Variants in ADGRD1 observed in about 807,000 individuals in gnomAD.
ADGRD1 encodes the protein G-protein coupled receptor 133.
Under a neutral mutation model 113.4 loss-of-function variants are expected in ADGRD1, and 77 were observed. The ratio of observed to expected loss-of-function variants is 0.68; its 90% confidence interval spans 0.57 to 0.82. The LOEUF is 0.82. Among genes scored for constraint, ADGRD1 ranks in the 40% least tolerant of loss-of-function variants. ADGRD1 has a pLI of 0.00. For synonymous variants in ADGRD1, 474 were observed against 475.0 expected (o/e 1.00, Z 0.03); for missense variants, 1,036 against 1,139.1 (o/e 0.91, Z 1.30).
chr12:131,070,047 C>T (rs1885027757), intron 13 of ADGRD1: 1 of 152,212 alleles, frequency 6.6e-6, no homozygotes, highest in Non-Finnish European at 1.5e-5. Context: ...GATGAAGCCA[C>T]AAGCAAAGGC....
chr12:131,028,697 C>T (rs144954263), intron 13 of ADGRD1, among the ~76,000 whole-genome samples: 163 of 152,274 alleles, frequency 1.1e-3, no homozygotes, highest in African/African-American at 3.9e-3. Flanking sequence ...GAAGACCAAC[C>T]TCTCCCCTAG....
chr12:131,131,923 A>C (rs1950940447), intron 21 of ADGRD1, 107 bp downstream of exon 21: 1 of 743,056 alleles, frequency 1.3e-6, no homozygotes, highest in African/African-American at 1.7e-5. Flanking sequence ...GCCGGCACCA[A>C]AGTCCTCCAC....
intron 4 of ADGRD1, among the ~76,000 whole-genome samples, chr12:130,974,012 T>G (rs998512456): frequency 6.6e-6 from 1 of 152,210 alleles, no homozygotes; most frequent in East Asian, 1.9e-4. Flanking sequence ...TGAGGCCTGA[T>G]GCAGACGCAG....
At chr12:131,063,243 C>T (rs1884478367) in intron 13 of ADGRD1, among the ~76,000 whole-genome samples, 1 of 152,086 alleles carries the variant, frequency 6.6e-6, no homozygotes. Context: ...TTCTCCTTGT[C>T]TGCAGCTTAT....
intron 15 of ADGRD1, among the ~76,000 whole-genome samples, chr12:131,097,485 C>T (rs200732019): frequency 2.6e-5 from 4 of 152,244 alleles, no homozygotes; most frequent in East Asian, 1.9e-4. Flanking sequence ...CATCAGTGGA[C>T]GTGAAATGTG....
chr12:130,978,817 T>C (rs942373535), intron 4 of ADGRD1: 3 of 152,210 alleles, frequency 2.0e-5, no homozygotes, highest in Non-Finnish European at 4.4e-5. Context: ...TTGGAAAAAA[T>C]TAACTTCCAT....
chr12:131,117,188 T>C (rs928038785), intron 18 of ADGRD1, among the ~76,000 whole-genome samples: 1 of 152,218 alleles, frequency 6.6e-6, no homozygotes, highest in Admixed American at 6.5e-5. Context: ...ACTGCTGTGA[T>C]CCAGATGCTT....
intron 15 of ADGRD1, among the ~76,000 whole-genome samples, chr12:131,103,185 T>C (rs1169055432): frequency 1.3e-5 from 2 of 152,246 alleles, no homozygotes; most frequent in Non-Finnish European, 2.9e-5. Context: ...CACAGGTGGC[T>C]CTGCCCAGCC....
rs771485638 is a variant in ADGRD1 at position 131,084,416 on chromosome 12, C to A, written c.1548-124C>A. On this transcript the variant is annotated intron_variant, in intron 14 of 24. Transcript: ENST00000261654. The surrounding 1 kb of genome is among the most constrained non-coding windows in gnomAD (Gnocchi z 4.5). ...CCACGGTCTGGGTGTGCATTCCTGG[C>A]GTGGCAGGTGTGGGCGCCGCCATGA... is the stretch of plus-strand genomic sequence containing the variant. The A allele has an allele frequency of 6.2e-5, 60 of 969,354 alleles. No individual in the cohort carries two copies. Among genetic ancestry groups the A allele is most frequent in the Non-Finnish European group, 8.9e-5 (56 of 627,720 alleles). 60.0% of individuals were successfully genotyped at this position (969,354 alleles called of 1,614,324 possible). A position where few individuals can be genotyped will look rare whatever the true frequency, so the allele number is the denominator to read the frequency against.
intron 21 of ADGRD1, among the ~76,000 whole-genome samples, chr12:131,133,537 T>C (rs1194479580): frequency 3.9e-5 from 6 of 152,312 alleles, no homozygotes; most frequent in East Asian, 1.9e-4. Flanking sequence ...GCTGAAGGCA[T>C]TGCCCATCCT....
intron 12 of ADGRD1, among the ~76,000 whole-genome samples, chr12:131,012,614 G>A (rs1054517741): frequency 3.3e-5 from 5 of 152,194 alleles, no homozygotes; most frequent in African/African-American, 9.7e-5. Flanking sequence ...TGCAGAGGCC[G>A]GGGGTGAGGT....
intron 21 of ADGRD1, among the ~76,000 whole-genome samples, chr12:131,135,628 G>A (rs531591659): frequency 6.6e-6 from 1 of 152,288 alleles, no homozygotes; most frequent in Non-Finnish European, 1.5e-5. Context: ...ACCCTTCCAA[G>A]CGTCTCACAG....
chr12:131,124,026 A>G (rs1446266997), intron 20 of ADGRD1, among the ~76,000 whole-genome samples: 1 of 152,244 alleles, frequency 6.6e-6, no homozygotes, highest in African/African-American at 2.4e-5. Context: ...GCAAAGCCAA[A>G]AATACTAACT....
intron 11 of ADGRD1, 96 bp downstream of exon 11, chr12:131,004,392 G>GCTGCGGTGCTCCCCGGGGCCGC: frequency 3.8e-6 from 3 of 790,718 alleles, no homozygotes; most frequent in East Asian, 2.6e-5. Context: ...GCGCCAGGGA[G>GCTGCGGTGCTCCCCGGGGCCGC]CTGCGGTGCT....
At chr12:131,072,159 G>A (rs1053663754) in intron 13 of ADGRD1, among the ~76,000 whole-genome samples, 24 of 151,654 alleles carry the variant, frequency 1.6e-4, no homozygotes, top group African/African-American at 3.6e-4. Flanking sequence ...CAAACCGAGC[G>A]TGAGAATCAG....
chr12:131,007,114 G>A (rs1015834809), intron 12 of ADGRD1, among the ~76,000 whole-genome samples: 1 of 152,174 alleles, frequency 6.6e-6, no homozygotes, highest in Admixed American at 6.5e-5. Flanking sequence ...GTGGGAAAGC[G>A]GCATCCGTGC....
At chr12:130,986,414 A>T (rs1873688102) in intron 5 of ADGRD1, among the ~76,000 whole-genome samples, 1 of 152,204 alleles carries the variant, frequency 6.6e-6, no homozygotes, top group African/African-American at 2.4e-5. Flanking sequence ...GGCACCAATG[A>T]CAATGGTAAT....
intron 13 of ADGRD1, among the ~76,000 whole-genome samples, chr12:131,019,272 A>G (rs536180031): frequency 2.6e-5 from 4 of 152,208 alleles, no homozygotes; most frequent in South Asian, 2.1e-4. Context: ...AGCTCAGGCT[A>G]TGCTGTTGGG....
intron 4 of ADGRD1, chr12:130,978,148 C>G (rs1565995563): frequency 6.6e-6 from 1 of 152,182 alleles, no homozygotes; most frequent in Admixed American, 6.5e-5. Context: ...AGAAATCATC[C>G]TTTGTCTTAT....
Sources: gnomAD v4.1 joint callset for allele counts (sites outside exome capture counted in the v4.1 genomes callset) on GRCh38, gnomAD v4.1.1 for gene constraint, Gnocchi (gnomAD v3.1) non-coding constraint, MANE v1.5 for transcripts, NCBI Gene and HGNC (gene_info 2026-07-23, HGNC 2026-07-21) for gene names.